ALK: variants seen among roughly 807,000 people sequenced by gnomAD.
The protein encoded by ALK is ALK tyrosine kinase receptor.
In ALK, 74 loss-of-function variants were observed where a neutral mutation model predicts 163.1. The observed-to-expected ratio is 0.45, with a 90% CI of 0.38 to 0.55. ALK has a LOEUF of 0.55. Ranked by LOEUF, ALK falls within the 20% of genes least tolerant of loss-of-function variation. ALK has a pLI of 0.00. For missense variants in ALK, 2,063 were observed against 2,105.3 expected (o/e 0.98, Z 0.39); for synonymous variants, 960 against 843.2 (o/e 1.14, Z -2.40).
intron 4 of ALK, among the ~76,000 whole-genome samples, chr2:29,522,302 G>A (rs1173388636): frequency 6.6e-6 from 1 of 152,098 alleles, no homozygotes; most frequent in Non-Finnish European, 1.5e-5. Flanking sequence ...ACCAAGTGGT[G>A]GTACACATAA....
At chr2:29,396,961 G>T (rs1326172249) in intron 4 of ALK, among the ~76,000 whole-genome samples, 1 of 148,082 alleles carries the variant, frequency 6.8e-6, no homozygotes, top group African/African-American at 2.5e-5. Flanking sequence ...ACAAGGGCAA[G>T]GAGTGCCAAA....
At chr2:29,455,458 C>T (rs1248154569) in intron 4 of ALK, among the ~76,000 whole-genome samples, 1 of 152,170 alleles carries the variant, frequency 6.6e-6, no homozygotes, top group Non-Finnish European at 1.5e-5. Context: ...TGTTGTTTAA[C>T]TGGCTGAAAC....
intron 1 of ALK, among the ~76,000 whole-genome samples, chr2:29,918,949 T>G (rs1274227536): frequency 2.0e-5 from 3 of 152,238 alleles, no homozygotes; most frequent in African/African-American, 7.2e-5. Context: ...TATATTTTAT[T>G]CACAAGTCTT....
intron 1 of ALK, among the ~76,000 whole-genome samples, chr2:29,845,632 C>T (rs1665823983): frequency 6.6e-6 from 1 of 152,130 alleles, no homozygotes; most frequent in South Asian, 2.1e-4. Context: ...CAGGATTTCA[C>T]CATGTTGGCC....
At chr2:29,221,200 G>A (rs1669794627) in intron 22 of ALK, 1 of 542,944 alleles carries the variant, frequency 1.8e-6, no homozygotes, top group Non-Finnish European at 3.7e-6. Context: ...GAAGGCCTCA[G>A]GCAGAAGGTG....
chr2:29,705,509 T>C (rs1288541630), intron 2 of ALK, among the ~76,000 whole-genome samples: 1 of 151,654 alleles, frequency 6.6e-6, no homozygotes, highest in Non-Finnish European at 1.5e-5. Flanking sequence ...ACAGACATCC[T>C]TCTTTCCTTG....
intron 2 of ALK, among the ~76,000 whole-genome samples, chr2:29,716,696 G>A (rs142889959): frequency 3.8e-4 from 58 of 152,306 alleles, no homozygotes; most frequent in African/African-American, 1.3e-3. Flanking sequence ...CTGTAAAAAT[G>A]TAATTGGACC....
At chr2:29,262,105 G>A (rs1665102911) in intron 11 of ALK, among the ~76,000 whole-genome samples, 1 of 152,154 alleles carries the variant, frequency 6.6e-6, no homozygotes, top group East Asian at 1.9e-4. Context: ...TTACAACCAC[G>A]ATAGGTCAGT....
Position 29,920,427 on chromosome 2 carries a change from G to T in ALK, c.233C>A (p.Ser78Ter). Residue 78 changes from serine (S) to a stop codon, truncating the protein, a stop_gained, in exon 1 of 29, where the codon TCG becomes TAG. Coordinates refer to ENST00000389048, the MANE Select transcript of ALK (RefSeq NM_004304.5). LOFTEE classifies it high-confidence loss of function. ...CTCGGGCCTGCCAGCCTTCAGCTCCGAGGAGGATGGTGGCAGCAGTAGGTC... is the reference window on the plus strand; with the variant it reads ...CTCGGGCCTGCCAGCCTTCAGCTCCTAGGAGGATGGTGGCAGCAGTAGGTC... ...ARDLLLPPSSSELKAGRPEAR... is the reference protein window; with the variant it reads ...ARDLLLPPSS The T allele has an allele frequency of 6.2e-7, 1 of 1,603,658 alleles. No individual in the cohort carries two copies.
chr2:29,277,964 GTGAAGA>G (rs1665589391), intron 9 of ALK, among the ~76,000 whole-genome samples: 1 of 152,238 alleles, frequency 6.6e-6, no homozygotes, highest in African/African-American at 2.4e-5. Flanking sequence ...ATTGTCCAGT[GTGAAGA>G]TGAAGTGTGT....
At chr2:29,305,058 G>C (rs1035567719) in intron 8 of ALK, among the ~76,000 whole-genome samples, 1 of 152,216 alleles carries the variant, frequency 6.6e-6, no homozygotes, top group Non-Finnish European at 1.5e-5. Context: ...AGCCTGGGTA[G>C]AGACCTCTGG....
chr2:29,501,498 C>T (rs1157586907), intron 4 of ALK, among the ~76,000 whole-genome samples: 2 of 152,196 alleles, frequency 1.3e-5, no homozygotes, highest in Non-Finnish European at 2.9e-5. Context: ...CCCGTGGCCT[C>T]CTTTCTTTGG....
At chr2:29,579,661 C>T (rs987077804) in intron 3 of ALK, among the ~76,000 whole-genome samples, 18 of 152,168 alleles carry the variant, frequency 1.2e-4, no homozygotes, top group African/African-American at 3.4e-4. Context: ...TCCAAGAGCA[C>T]CCACTACATG....
intron 8 of ALK, among the ~76,000 whole-genome samples, chr2:29,313,271 C>A (rs1394458108): frequency 6.6e-6 from 1 of 152,182 alleles, no homozygotes; most frequent in Non-Finnish European, 1.5e-5. Context: ...GCCCATGAGG[C>A]CTCCTGGAAT....
rs1181713716 is a variant in ALK at position 29,900,981 on chromosome 2, G to GAT, written c.667+19011_667+19012insAT. Among the ~76,000 whole-genome samples, 1,014 of 139,936 alleles carry GAT rather than the reference G, an allele frequency of 7.2e-3. 8 individuals carry two copies. Among genetic ancestry groups the GAT allele is most frequent in the African/African-American group, 0.024 (922 of 38,172 alleles). 91.8% of individuals were successfully genotyped at this position (139,936 alleles called of 152,430 possible). ...CTGAATGTCTTAAGAAAGAAAGAAA[G>GAT]AGAGAGAGAGAGAGAGCAAGCAAGC... On this transcript the variant is annotated intron_variant, in intron 1 of 28. Coordinates refer to ENST00000389048, the MANE Select transcript of ALK (RefSeq NM_004304.5).
chr2:29,752,388 C>A (rs1680393396), intron 1 of ALK, among the ~76,000 whole-genome samples: 1 of 135,744 alleles, frequency 7.4e-6, no homozygotes, highest in Admixed American at 8.0e-5. Flanking sequence ...TTCGCTCTGT[C>A]GCCCAGGCTG....
intron 1 of ALK, among the ~76,000 whole-genome samples, chr2:29,822,978 T>C (rs1665089352): frequency 6.6e-6 from 1 of 152,212 alleles, no homozygotes; most frequent in South Asian, 2.1e-4. Flanking sequence ...TCTGCTGATA[T>C]GGTTTGACTG....
At chr2:29,661,776 T>C (rs1677355202) in intron 3 of ALK, among the ~76,000 whole-genome samples, 1 of 152,212 alleles carries the variant, frequency 6.6e-6, no homozygotes, top group Non-Finnish European at 1.5e-5. Flanking sequence ...AAATGGCCAA[T>C]CTGTGTCATT....
chr2:29,269,511 G>A lies in ALK; in HGVS notation c.2041+5588C>T, dbSNP rs573859850. On this transcript the variant is annotated intron_variant, in intron 11 of 28. Coordinates refer to ENST00000389048, the MANE Select transcript of ALK (RefSeq NM_004304.5). The stretch of plus-strand genomic sequence containing the variant: ...GGAGCACAGCTGTGCTTGCTCCAGG[G>A]AAGGGAGACACACCCAAATGAATAG... Among the ~76,000 whole-genome samples, 29 of 151,472 alleles carry A rather than the reference G, an allele frequency of 1.9e-4. No homozygotes were observed. The South Asian group carries it at 6.0e-3, about 32-fold the overall frequency.
Sources: gnomAD v4.1 joint callset for allele counts (sites outside exome capture counted in the v4.1 genomes callset) on GRCh38, gnomAD v4.1.1 for gene constraint, MANE v1.5 for transcripts, NCBI Gene and HGNC (gene_info 2026-07-23, HGNC 2026-07-21) for gene names.